The following SEMA3D variants were observed in gnomAD, a reference collection of about 807,000 sequenced individuals.
SEMA3D encodes the protein semaphorin 3D.
A neutral mutation model predicts 100.1 loss-of-function variants in SEMA3D; 84 were observed. The observed-to-expected ratio is 0.84, with a 90% CI of 0.70 to 1.01. The LOEUF (loss-of-function observed/expected upper bound fraction) is 1.01, where lower values mean the gene tolerates loss of function less well. SEMA3D is among the 50% of genes least tolerant of loss of function. SEMA3D has a pLI of 0.00. For missense variants in SEMA3D, 875 were observed against 934.1 expected (o/e 0.94, Z 0.82); for synonymous variants, 312 against 320.7 (o/e 0.97, Z 0.29).
chr7:85,083,529 A>C (rs1788121555), intron 4 of SEMA3D, among the ~76,000 whole-genome samples: 1 of 152,150 alleles, frequency 6.6e-6, no homozygotes, highest in African/African-American at 2.4e-5. Flanking sequence ...TGCTGGCAAA[A>C]ATACTGGACT....
intron 2 of SEMA3D, among the ~76,000 whole-genome samples, chr7:85,124,580 T>C (rs567257609): frequency 1.3e-5 from 2 of 152,074 alleles, no homozygotes; most frequent in African/African-American, 4.8e-5. Context: ...GCAAGATAAC[T>C]CAAAGGAGTA....
intron 1 of SEMA3D, chr7:85,159,855 A>T (rs535923142): frequency 1.0e-6 from 1 of 985,008 alleles, no homozygotes; most frequent in Admixed American, 6.2e-5. Context: ...GTAGGATTTC[A>T]GTAACCATTA....
chr7:85,235,132 T>C, the SEMA3D span, among the ~76,000 whole-genome samples: 2 of 152,186 alleles, frequency 1.3e-5, no homozygotes, highest in African/African-American at 4.8e-5. Flanking sequence ...AATAATAGTG[T>C]TGGTGTATGG....
intron 5 of SEMA3D, among the ~76,000 whole-genome samples, chr7:85,080,504 C>A (rs1180123868): frequency 6.6e-6 from 1 of 152,066 alleles, no homozygotes; most frequent in Non-Finnish European, 1.5e-5. Flanking sequence ...GAGCTTAATA[C>A]CCCCGCATTA....
At chr7:85,026,748 G>C (rs950595301) in intron 12 of SEMA3D, among the ~76,000 whole-genome samples, 3 of 151,940 alleles carry the variant, frequency 2.0e-5, no homozygotes, top group African/African-American at 7.2e-5. Context: ...TAATGTATGA[G>C]GTTAAGAAAT....
At chr7:85,168,617 A>ATTTTT (rs3076565) in intron 1 of SEMA3D, among the ~76,000 whole-genome samples, 8 of 135,348 alleles carry the variant, frequency 5.9e-5, no homozygotes, top group African/African-American at 1.9e-4. Context: ...GGTTTCTGCA[A>ATTTTT]TTTTTTTTTT....
chr7:85,030,913 C>T (rs1361966724), intron 12 of SEMA3D, among the ~76,000 whole-genome samples: 8 of 151,550 alleles, frequency 5.3e-5, no homozygotes, highest in Admixed American at 2.0e-4. Flanking sequence ...CTTGGAACTT[C>T]TTATTACCAA....
the SEMA3D span, among the ~76,000 whole-genome samples, chr7:85,235,506 G>A: frequency 2.6e-5 from 4 of 152,114 alleles, no homozygotes; most frequent in Non-Finnish European, 5.9e-5. Flanking sequence ...TTCTCAGAGG[G>A]AAAAGGAAGG....
the SEMA3D span, among the ~76,000 whole-genome samples, chr7:85,233,083 T>C: frequency 6.6e-6 from 1 of 152,158 alleles, no homozygotes; most frequent in Non-Finnish European, 1.5e-5. Flanking sequence ...CTCTGCTCAG[T>C]GTCAAACATA....
At chr7:85,100,826 A>C (rs368942885) in intron 3 of SEMA3D, among the ~76,000 whole-genome samples, 1 of 151,856 alleles carries the variant, frequency 6.6e-6, no homozygotes, top group African/African-American at 2.4e-5. Flanking sequence ...GTTTTTTACA[A>C]AGCAAAAGGC....
rs536298770 is a variant in SEMA3D, at chr7:85,037,108, G to T, written c.1047-75C>A. 7.7e-5 allele frequency: 113 copies of T among 1,468,240 alleles called. No individual in the cohort carries two copies. In the East Asian group the frequency reaches 2.6e-3, roughly 34 times the overall value. The allele number at this position is 1,468,240 out of a possible 1,614,324, so 91.0% of individuals were successfully genotyped here. Reference sequence around the variant, plus strand: ...AACATTGACTGAGCACATACTATCAGCAGGTGCTGTGGACAAAATTTACTT... The same window carrying T: ...AACATTGACTGAGCACATACTATCATCAGGTGCTGTGGACAAAATTTACTT... On this transcript the variant is annotated intron_variant, in intron 11 of 18. Transcript: ENST00000284136.
At chr7:85,128,405 G>A (rs555770560) in intron 2 of SEMA3D, among the ~76,000 whole-genome samples, 156 of 152,032 alleles carry the variant, frequency 1.0e-3, no homozygotes, top group African/African-American at 3.4e-3. Flanking sequence ...TCCTGACCTC[G>A]TGATCCACCT....
the SEMA3D span, among the ~76,000 whole-genome samples, chr7:85,192,560 C>G: frequency 6.6e-6 from 1 of 152,084 alleles, no homozygotes; most frequent in African/African-American, 2.4e-5. Context: ...ATAAATGCAA[C>G]TTCTCAAAGT....
chr7:85,101,588 C>T (rs755145660), intron 3 of SEMA3D, among the ~76,000 whole-genome samples: 21 of 151,944 alleles, frequency 1.4e-4, no homozygotes, highest in South Asian at 2.1e-4. Context: ...GAGGAATAAA[C>T]GAGTTAATGC....
chr7:85,131,651 T>C (rs1789726857), intron 2 of SEMA3D, among the ~76,000 whole-genome samples: 1 of 151,974 alleles, frequency 6.6e-6, no homozygotes, highest in Non-Finnish European at 1.5e-5. Flanking sequence ...TTAAAAATCT[T>C]GTGGATCTTG....
the SEMA3D span, among the ~76,000 whole-genome samples, chr7:85,211,200 G>A: frequency 1.3e-5 from 2 of 151,854 alleles, no homozygotes; most frequent in Admixed American, 1.3e-4. Context: ...TAAGGTAAAC[G>A]GGTTCCCAAA....
chr7:85,241,542 C>G, the SEMA3D span, among the ~76,000 whole-genome samples: 1 of 143,748 alleles, frequency 7.0e-6, no homozygotes, highest in East Asian at 2.4e-4. Context: ...TTGCAGCAAC[C>G]TGGATGGGAT....
chr7:85,163,109 GA>G (rs879345774), intron 1 of SEMA3D: 70 of 416,812 alleles, frequency 1.7e-4, no homozygotes, highest in Non-Finnish European at 2.0e-4. Context: ...ACAAAGAAAA[GA>G]AAAAAAAAGG....
chr7:85,086,634 G>A (rs1315376030), intron 4 of SEMA3D, among the ~76,000 whole-genome samples: 2 of 108,194 alleles, frequency 1.8e-5, no homozygotes, highest in African/African-American at 1.3e-4. Flanking sequence ...CTCTCTCCGT[G>A]TGTGTGTGTG....
Sources: gnomAD v4.1 joint callset for allele counts (sites outside exome capture counted in the v4.1 genomes callset) on GRCh38, gnomAD v4.1.1 for gene constraint, MANE v1.5 for transcripts, NCBI Gene and HGNC (gene_info 2026-07-23, HGNC 2026-07-21) for gene names.